GRID1: variants seen among roughly 807,000 people sequenced by gnomAD.
GRID1 encodes the protein glutamate receptor ionotropic, delta-1.
Under a neutral mutation model 98.0 loss-of-function variants are expected in GRID1, and 28 were observed. The observed-to-expected ratio is 0.29, with a 90% CI of 0.21 to 0.39. GRID1 has a LOEUF of 0.39. GRID1 is among the 10% of genes least tolerant of loss of function. GRID1 has a pLI of 1.00. For missense variants in GRID1, 1,111 were observed against 1,340.5 expected (o/e 0.83, Z 2.67); for synonymous variants, 553 against 538.5 (o/e 1.03, Z -0.37).
intron 2 of GRID1, among the ~76,000 whole-genome samples, chr10:86,263,391 G>T (rs1445965120): frequency 2.0e-5 from 3 of 152,148 alleles, no homozygotes; most frequent in Non-Finnish European, 2.9e-5. Context: ...GGAGGATCCC[G>T]CCTCTCCCAG....
chr10:85,684,246 C>T (rs1841242514), intron 12 of GRID1, among the ~76,000 whole-genome samples: 1 of 152,074 alleles, frequency 6.6e-6, no homozygotes, highest in African/African-American at 2.4e-5. Context: ...AATATACATG[C>T]CCCTAAAACA....
intron 3 of GRID1, among the ~76,000 whole-genome samples, chr10:86,146,547 C>T (rs1403438929): frequency 6.6e-6 from 1 of 152,174 alleles, no homozygotes; most frequent in Non-Finnish European, 1.5e-5. Flanking sequence ...CAGGGATACC[C>T]TTGCCCTCTG....
intron 8 of GRID1, among the ~76,000 whole-genome samples, chr10:85,730,548 C>T (rs930711756): frequency 2.0e-5 from 3 of 152,184 alleles, no homozygotes; most frequent in Non-Finnish European, 4.4e-5. Flanking sequence ...AGAACCCCTG[C>T]TCTTCTAGGT....
chr10:85,946,679 C>T lies in GRID1; in HGVS notation c.727-30440G>A, dbSNP rs148512520. Among the ~76,000 whole-genome samples the T allele has an allele frequency of 9.9e-3, 1,509 of 152,248 alleles. 9 individuals are homozygous for T. Among genetic ancestry groups the T allele is most frequent in the Middle Eastern group, 0.02 (6 of 294 alleles). On this transcript the variant is annotated intron_variant, in intron 4 of 15. Transcript: ENST00000327946. ...GGGCCAAGGCCAGCCCCGGGGATTGCGGGGGGAAGAATCCCCAGGTCAGTC... is the reference window on the plus strand; with the variant it reads ...GGGCCAAGGCCAGCCCCGGGGATTGTGGGGGGAAGAATCCCCAGGTCAGTC...
chr10:86,335,210 C>T (rs1848206170), intron 2 of GRID1, among the ~76,000 whole-genome samples: 1 of 152,250 alleles, frequency 6.6e-6, no homozygotes, highest in Non-Finnish European at 1.5e-5. Context: ...CCCTCTGCCT[C>T]CTCCAGGATG....
At chr10:86,290,255 A>G (rs1847493929) in intron 2 of GRID1, among the ~76,000 whole-genome samples, 1 of 152,230 alleles carries the variant, frequency 6.6e-6, no homozygotes, top group Non-Finnish European at 1.5e-5. Context: ...AACTAAGAGG[A>G]ACTGCAAATT....
At chr10:85,823,675 A>T (rs146269031) in intron 8 of GRID1, among the ~76,000 whole-genome samples, 1 of 152,224 alleles carries the variant, frequency 6.6e-6, no homozygotes, top group Non-Finnish European at 1.5e-5. Flanking sequence ...ATGAAAAAAA[A>T]CTATATCTAA....
In GRID1 at chr10:86,201,767, T is replaced by C. The variant is rs7894507; in HGVS notation, c.520+4597A>G. On this transcript the variant is annotated intron_variant, in intron 3 of 15. Coordinates refer to ENST00000327946, the MANE Select transcript of GRID1 (RefSeq NM_017551.3). ...ATACATGTACAGTGTTTTAAATATA[T>C]GAGGCATAAATTTAAAATTTCCATG... Among the ~76,000 whole-genome samples, 174 of 150,196 alleles carry C rather than the reference T, an allele frequency of 1.2e-3. 3 individuals are homozygous for C. Among genetic ancestry groups the C allele is most frequent in the African/African-American group, 3.9e-3 (160 of 41,034 alleles).
intron 2 of GRID1, among the ~76,000 whole-genome samples, chr10:86,287,044 C>A (rs1016030206): frequency 1.3e-5 from 2 of 152,158 alleles, no homozygotes; most frequent in Non-Finnish European, 2.9e-5. Flanking sequence ...TCCGTAGGGA[C>A]TTGAGGAGCA....
chr10:86,080,501 A>AG (rs1357273777), intron 4 of GRID1, among the ~76,000 whole-genome samples: 1 of 146,260 alleles, frequency 6.8e-6, no homozygotes, highest in African/African-American at 2.6e-5. Flanking sequence ...AAAAGGGAAA[A>AG]GGGGAAAGGA....
At chr10:86,052,506 G>A (rs1359563305) in intron 4 of GRID1, 1 of 152,176 alleles carries the variant, frequency 6.6e-6, no homozygotes, top group East Asian at 1.9e-4. Context: ...AAGTTAAGCA[G>A]AGTTAGGCCT....
At chr10:85,798,756 C>T (rs1842548992) in intron 8 of GRID1, among the ~76,000 whole-genome samples, 3 of 151,874 alleles carry the variant, frequency 2.0e-5, no homozygotes, top group Admixed American at 2.0e-4. Context: ...CATATTAACC[C>T]CTTGTCAGAT....
At chr10:85,806,143 T>C (rs1842621299) in intron 8 of GRID1, among the ~76,000 whole-genome samples, 1 of 152,058 alleles carries the variant, frequency 6.6e-6, no homozygotes, top group African/African-American at 2.4e-5. Flanking sequence ...TCCAATGTTT[T>C]AAATGGGCAA....
chr10:85,707,229 C>T (rs1312806322), intron 12 of GRID1, among the ~76,000 whole-genome samples: 3 of 151,982 alleles, frequency 2.0e-5, no homozygotes, highest in Non-Finnish European at 2.9e-5. Context: ...AAAGGGCTAA[C>T]ATCCAGAATC....
At chr10:85,722,872 A>T in intron 12 of GRID1, 131 bp downstream of exon 12, 1 of 547,234 alleles carries the variant, frequency 1.8e-6, no homozygotes, top group Non-Finnish European at 2.9e-6. Flanking sequence ...TCCATGCACT[A>T]AAGATTCCAG....
At chr10:85,797,320 A>C (rs1476942098) in intron 8 of GRID1, among the ~76,000 whole-genome samples, 1 of 152,100 alleles carries the variant, frequency 6.6e-6, no homozygotes, top group Admixed American at 6.5e-5. Context: ...TCGGGTACTG[A>C]GTATAGTACA....
rs973980612 is a variant in GRID1 at position 85,882,100 on chromosome 10, G to A, written c.781-12920C>T. On this transcript the variant is annotated intron_variant, in intron 5 of 15. Coordinates refer to ENST00000327946, the MANE Select transcript of GRID1 (RefSeq NM_017551.3). ...ACCATCTCACACCAGTTAGAATGGT[G>A]ATCATTAAAAAGTCAGGGAACCACA... is the stretch of plus-strand genomic sequence containing the variant. 2.7e-3 allele frequency among the ~76,000 whole-genome samples: 409 copies of A among 152,136 alleles called. 3 individuals carry two copies. The highest frequency in any genetic ancestry group is 4.4e-3 in the Non-Finnish European group (301 of 67,906).
chr10:86,166,154 T>G (rs1845395464), intron 3 of GRID1, among the ~76,000 whole-genome samples: 1 of 152,200 alleles, frequency 6.6e-6, no homozygotes, highest in Non-Finnish European at 1.5e-5. Flanking sequence ...AGGGTACATG[T>G]GCACAACATG....
intron 5 of GRID1, among the ~76,000 whole-genome samples, chr10:85,915,220 GCACA>G (rs1841596821): frequency 6.6e-6 from 1 of 151,884 alleles, no homozygotes; most frequent in Non-Finnish European, 1.5e-5. Context: ...ACACACGCAT[GCACA>G]CACAAACACA....
Sources: gnomAD v4.1 joint callset for allele counts (sites outside exome capture counted in the v4.1 genomes callset) on GRCh38, gnomAD v4.1.1 for gene constraint, MANE v1.5 for transcripts, NCBI Gene and HGNC (gene_info 2026-07-23, HGNC 2026-07-21) for gene names.